Variants in AAMDC observed in about 807,000 individuals in gnomAD.
AAMDC encodes the protein mth938 domain-containing protein.
Under a neutral mutation model 15.5 loss-of-function variants are expected in AAMDC, and 16 were observed. The ratio of observed to expected loss-of-function variants is 1.03; its 90% CI spans 0.70 to 1.57. The LOEUF (loss-of-function observed/expected upper bound fraction) is 1.57. Ranked by LOEUF, AAMDC falls within the 40% of genes most tolerant of loss-of-function variation. The pLI is 0.00. For missense variants in AAMDC, 141 were observed against 144.9 expected, an observed-to-expected ratio of 0.97 and a Z score of 0.14; for synonymous variants, 51 against 51.6, an observed-to-expected ratio of 0.99 and a Z score of 0.05.
chr11:77,863,484 G>A (rs549335802), intron 2 of AAMDC, among the ~76,000 whole-genome samples: 2 of 152,204 alleles, frequency 1.3e-5, no homozygotes, highest in African/African-American at 2.4e-5. Context: ...GGTAGCCTGC[G>A]TTTAAGCAAT....
Position 77,869,829 on chromosome 11 carries a change from T to A in AAMDC, c.228+12T>A. On this transcript the variant is annotated intron_variant, in intron 3 of 3. Transcript: ENST00000393427. The stretch of plus-strand genomic sequence containing the variant: ...GTGAGGCCTTGAAGGTAGGTGTTGG[T>A]ATGCACAGCATTCCTGAGGACAGGT... The A allele has an allele frequency of 6.2e-7, 1 of 1,610,594 alleles. No individual in the cohort carries two copies. The highest frequency in any genetic ancestry group is 8.5e-7 in the Non-Finnish European group (1 of 1,176,990).
intron 5 of AAMDC, chr11:77,891,683 G>A: frequency 6.2e-7 from 1 of 1,612,004 alleles, no homozygotes; most frequent in East Asian, 2.2e-5. Context: ...ACCCTGACCT[G>A]CTCTGGAAGC....
intron 2 of AAMDC, among the ~76,000 whole-genome samples, chr11:77,858,798 G>A (rs1427004300): frequency 6.6e-6 from 1 of 152,202 alleles, no homozygotes. Flanking sequence ...CAGTCCAGGG[G>A]TCCACGGTAG....
intron 5 of AAMDC, among the ~76,000 whole-genome samples, chr11:77,893,220 TA>T (rs1018523011): frequency 7.9e-5 from 12 of 152,238 alleles, no homozygotes; most frequent in African/African-American, 2.9e-4. Flanking sequence ...TCATTCCATA[TA>T]AAACTCTGAA....
chr11:77,872,882 T>G (rs939167673), downstream of AAMDC, among the ~76,000 whole-genome samples: 1 of 152,020 alleles, frequency 6.6e-6, no homozygotes, highest in Non-Finnish European at 1.5e-5. Context: ...ACCCAAGAGG[T>G]AGAGGTTGCG....
chr11:77,883,910 G>C (rs1427711156), intron 5 of AAMDC: 2 of 1,613,250 alleles, frequency 1.2e-6, no homozygotes, highest in Middle Eastern at 1.7e-4. Flanking sequence ...AAGTCTGCAG[G>C]CTTGGGGTGA....
chr11:77,891,561 T>C (rs1406101945), intron 5 of AAMDC: 2 of 1,554,880 alleles, frequency 1.3e-6, no homozygotes, highest in African/African-American at 2.7e-5. Flanking sequence ...AGTGGGCATG[T>C]GGGAGCCACT....
At position 77,882,291 on chromosome 11, in the gene AAMDC, C is replaced by T. The variant is rs144542572; in HGVS notation, c.328+5242C>T. Among the ~76,000 whole-genome samples the T allele has an allele frequency of 3.5e-3, 530 of 152,174 alleles. 1 individual carries two copies. In the Middle Eastern group the frequency reaches 0.037, roughly 11 times the overall value. On this transcript the variant is annotated intron_variant, in intron 5 of 5. Transcript: ENST00000304716. Reference sequence around the variant, plus strand: ...AGGAAGTCTGCAATGAACTAGGATACCTTAAGAGGAAATGGGGCCTAGGAA... The same window carrying T: ...AGGAAGTCTGCAATGAACTAGGATATCTTAAGAGGAAATGGGGCCTAGGAA...
intron 5 of AAMDC, among the ~76,000 whole-genome samples, chr11:77,895,201 A>G (rs1313783495): frequency 6.6e-6 from 1 of 151,992 alleles, no homozygotes; most frequent in Non-Finnish European, 1.5e-5. Context: ...ACCTTTGCAT[A>G]TTTTCTTCCT....
intron 3 of AAMDC, among the ~76,000 whole-genome samples, chr11:77,871,961 G>C (rs1223165311): frequency 6.6e-6 from 1 of 152,182 alleles, no homozygotes; most frequent in African/African-American, 2.4e-5. Context: ...CATTTCACTT[G>C]AGCTTTATGC....
chr11:77,829,982 A>G (rs551298280), intron 1 of AAMDC: 5 of 152,296 alleles, frequency 3.3e-5, no homozygotes, highest in African/African-American at 1.2e-4. Flanking sequence ...ATTCTTTTTT[A>G]TAGCCAGACA....
chr11:77,823,619 CTCAAAAAAAAA>C, intron 1 of AAMDC, among the ~76,000 whole-genome samples: 1 of 56,662 alleles, frequency 1.8e-5, no homozygotes, highest in Admixed American at 2.7e-4. Flanking sequence ...TACACCCTGT[CTCAAAAAAAAA>C]AAAAAAAAAA....
chr11:77,838,762 G>C (rs1256816344), intron 1 of AAMDC, among the ~76,000 whole-genome samples: 1 of 151,890 alleles, frequency 6.6e-6, no homozygotes, highest in African/African-American at 2.4e-5. Flanking sequence ...GACTACAGGC[G>C]CCCACCACTG....
At chr11:77,826,380 G>T (rs1949174076) in intron 1 of AAMDC, among the ~76,000 whole-genome samples, 1 of 151,866 alleles carries the variant, frequency 6.6e-6, no homozygotes, top group Non-Finnish European at 1.5e-5. Context: ...AAAGATGGGG[G>T]ACAGCCTGTA....
downstream of AAMDC, among the ~76,000 whole-genome samples, chr11:77,875,376 TTTTG>T (rs1326337808): frequency 1.3e-5 from 2 of 152,318 alleles, no homozygotes; most frequent in Admixed American, 6.5e-5. Flanking sequence ...TGGAGACATG[TTTTG>T]TTTGTCTCAG....
Position 77,894,445 on chromosome 11 carries a change from T to C in AAMDC, c.329-6126T>C, listed in dbSNP as rs1032233551. Reference sequence around the variant, plus strand: ...ACCTGAGCCTAAATTAAAGGAAAATTAGCATATTATACTATAAAAATGATC... The same window carrying C: ...ACCTGAGCCTAAATTAAAGGAAAATCAGCATATTATACTATAAAAATGATC... On this transcript the variant is annotated intron_variant, in intron 5 of 5. Transcript: ENST00000304716. The C allele has an allele frequency of 2.2e-5, 14 of 640,834 alleles. No individual in the cohort carries two copies. The African/African-American group carries it at 2.6e-4, about 12-fold the overall frequency. 39.7% of individuals were successfully genotyped at this position (640,834 alleles called of 1,614,324 possible).
intron 1 of AAMDC, among the ~76,000 whole-genome samples, chr11:77,839,841 G>A (rs1260809608): frequency 6.6e-6 from 1 of 152,106 alleles, no homozygotes; most frequent in Non-Finnish European, 1.5e-5. Flanking sequence ...GGGAGGGAGA[G>A]CATCAGGATA....
At chr11:77,821,655 G>A (rs527990825) in intron 1 of AAMDC, among the ~76,000 whole-genome samples, 1 of 152,138 alleles carries the variant, frequency 6.6e-6, no homozygotes, top group Non-Finnish European at 1.5e-5. Flanking sequence ...GGACTCCATT[G>A]AGAGGCGGAA....
In AAMDC at chr11:77,872,344, A is replaced by C. The variant is rs754233870; in HGVS notation, c.*29A>C. 71 of 1,595,430 alleles carry C rather than the reference A, an allele frequency of 4.5e-5. No individual in the cohort carries two copies. Among genetic ancestry groups the C allele is most frequent in the Non-Finnish European group, 5.9e-5 (69 of 1,171,688 alleles). On this transcript the variant is annotated 3_prime_UTR_variant, in exon 4 of 4. Coordinates refer to ENST00000393427, the MANE Select transcript of AAMDC (RefSeq NM_024684.4). Reference sequence around the variant, plus strand: ...AGCCTTAAGAGGAGAATAAATCACTAAGTGCCTATGCCTGTGACTGTCACT... The same window carrying C: ...AGCCTTAAGAGGAGAATAAATCACTCAGTGCCTATGCCTGTGACTGTCACT...
Sources: gnomAD v4.1 joint callset for allele counts (sites outside exome capture counted in the v4.1 genomes callset) on GRCh38, gnomAD v4.1.1 for gene constraint, MANE v1.5 for transcripts, NCBI Gene and HGNC (gene_info 2026-07-23, HGNC 2026-07-21) for gene names.